Variants in TANGO6 observed in about 807,000 individuals in gnomAD.
TANGO6 encodes the protein transport and Golgi organization protein 6 homolog.
TANGO6 carries 90 observed loss-of-function variants against 114.2 expected under a neutral mutation model. The ratio of observed to expected loss-of-function variants is 0.79; its 90% CI spans 0.66 to 0.94. The LOEUF is 0.94. TANGO6 is among the 40% of genes least tolerant of loss of function. TANGO6 has a pLI of 0.00. For missense variants in TANGO6, 1,274 were observed against 1,315.3 expected, an observed-to-expected ratio of 0.97 and a Z score of 0.49; for synonymous variants, 477 against 509.8, an observed-to-expected ratio of 0.94 and a Z score of 0.87.
intron 16 of TANGO6, among the ~76,000 whole-genome samples, chr16:69,028,865 A>G (rs1171513537): frequency 2.0e-5 from 3 of 151,130 alleles, no homozygotes; most frequent in East Asian, 3.9e-4. Flanking sequence ...ACAAAAAAAA[A>G]AAAAAAAAAG....
intron 8 of TANGO6, among the ~76,000 whole-genome samples, chr16:68,901,786 C>T (rs534093023): frequency 6.6e-6 from 1 of 152,260 alleles, no homozygotes; most frequent in African/African-American, 2.4e-5. Context: ...CCGCACCTGG[C>T]CTCTTGTTTT....
chr16:68,953,788 G>C (rs1201461967), intron 14 of TANGO6, among the ~76,000 whole-genome samples: 4 of 152,170 alleles, frequency 2.6e-5, no homozygotes, highest in Non-Finnish European at 2.9e-5. Context: ...TATATGAATA[G>C]GAGGAGAAGG....
At chr16:69,074,421 A>C (rs958904780) in intron 17 of TANGO6, among the ~76,000 whole-genome samples, 1 of 152,074 alleles carries the variant, frequency 6.6e-6, no homozygotes, top group Non-Finnish European at 1.5e-5. Flanking sequence ...TAGTGAAAGA[A>C]CAGCTGCTCC....
chr16:68,965,713 A>T (rs759090679), intron 14 of TANGO6, among the ~76,000 whole-genome samples: 1 of 151,830 alleles, frequency 6.6e-6, no homozygotes, highest in Non-Finnish European at 1.5e-5. Context: ...AGGCAGGAAG[A>T]TTGCTTGAAT....
At chr16:69,083,320 C>T (rs1227681761) in intron 17 of TANGO6, among the ~76,000 whole-genome samples, 165 bp from the exon 18 acceptor site, 2 of 152,054 alleles carry the variant, frequency 1.3e-5, no homozygotes, top group Non-Finnish European at 2.9e-5. Context: ...CTTGGCCTCC[C>T]AAAGTGCGGA....
At chr16:69,027,297 G>A (rs1307033713) in intron 16 of TANGO6, among the ~76,000 whole-genome samples, 1 of 152,146 alleles carries the variant, frequency 6.6e-6, no homozygotes, top group Non-Finnish European at 1.5e-5. Context: ...GCTTTATTTG[G>A]TTATAAGGGC....
intron 12 of TANGO6, among the ~76,000 whole-genome samples, chr16:68,924,811 A>T (rs78279333): frequency 5.3e-5 from 8 of 151,552 alleles, no homozygotes; most frequent in Admixed American, 1.3e-4. Flanking sequence ...AAACAGAAAC[A>T]AACTCCTCAC....
intron 1 of TANGO6, among the ~76,000 whole-genome samples, chr16:68,844,020 G>T (rs1364379264): frequency 2.0e-5 from 3 of 152,164 alleles, no homozygotes; most frequent in Non-Finnish European, 2.9e-5. Flanking sequence ...CTCTTGGGAG[G>T]GGGATATGGA....
intron 17 of TANGO6, among the ~76,000 whole-genome samples, chr16:69,073,614 C>T (rs1048286834): frequency 6.6e-6 from 1 of 152,128 alleles, no homozygotes; most frequent in Admixed American, 6.6e-5. Context: ...CATTTTCATG[C>T]GGCCAGCCTC....
chr16:68,998,697 C>T (rs1017671376), intron 15 of TANGO6, among the ~76,000 whole-genome samples: 2 of 148,668 alleles, frequency 1.3e-5, no homozygotes, highest in African/African-American at 5.0e-5. Flanking sequence ...CGCCACTGCG[C>T]TCCAGCCTGG....
intron 15 of TANGO6, among the ~76,000 whole-genome samples, chr16:69,012,284 C>T (rs369354885): frequency 3.3e-5 from 5 of 152,132 alleles, no homozygotes; most frequent in East Asian, 1.9e-4. Context: ...AGGTTGGGCA[C>T]GGTGGCTCAC....
At chr16:69,077,985 A>G (rs1960405782) in intron 17 of TANGO6, among the ~76,000 whole-genome samples, 1 of 152,152 alleles carries the variant, frequency 6.6e-6, no homozygotes, top group South Asian at 2.1e-4. Flanking sequence ...ACAAATATTT[A>G]CATTACAGTC....
intron 14 of TANGO6, among the ~76,000 whole-genome samples, chr16:68,960,307 T>C (rs1230595656): frequency 6.6e-6 from 1 of 150,642 alleles, no homozygotes; most frequent in Admixed American, 6.6e-5. Context: ...CTTTTTTTTT[T>C]TTTTTTTCTG....
rs201352425 is a variant in TANGO6, at chr16:69,032,632, C to A, written c.2995-7676C>A. Reference sequence around the variant, plus strand: ...GGTGGCTCACACCTGTAATCCCAGCCCTTTGGGAGGCCAAGGTGGGTGGAT... The same window carrying A: ...GGTGGCTCACACCTGTAATCCCAGCACTTTGGGAGGCCAAGGTGGGTGGAT... On this transcript the variant is annotated intron_variant, in intron 16 of 17. Coordinates refer to ENST00000261778, the MANE Select transcript of TANGO6 (RefSeq NM_024562.2). Among the ~76,000 whole-genome samples, 476 of 151,808 alleles carry A rather than the reference C, an allele frequency of 3.1e-3. 7 individuals carry two copies. In the East Asian group the frequency reaches 0.035, roughly 11 times the overall value.
At chr16:68,882,736 A>G (rs1240929290) in intron 7 of TANGO6, among the ~76,000 whole-genome samples, 4 of 151,488 alleles carry the variant, frequency 2.6e-5, no homozygotes, top group African/African-American at 9.7e-5. Context: ...AAAAAAAAAA[A>G]TACTTGGCAC....
At chr16:69,053,196 C>G (rs540332950) in intron 17 of TANGO6, among the ~76,000 whole-genome samples, 1 of 152,178 alleles carries the variant, frequency 6.6e-6, no homozygotes, top group African/African-American at 2.4e-5. Flanking sequence ...TGTATAGGTT[C>G]TAAAAGCTCA....
chr16:68,943,973 G>A (rs1963386635), intron 14 of TANGO6, among the ~76,000 whole-genome samples: 1 of 152,194 alleles, frequency 6.6e-6, no homozygotes, highest in Admixed American at 6.5e-5. Context: ...AAGCTCCAAA[G>A]AGGAGAGTCT....
At chr16:68,858,348 G>A (rs1962033812) in intron 1 of TANGO6, among the ~76,000 whole-genome samples, 1 of 152,186 alleles carries the variant, frequency 6.6e-6, no homozygotes, top group African/African-American at 2.4e-5. Context: ...ATAGGCGTGA[G>A]CCACCGCGCC....
chr16:68,853,227 G>A (rs1291245661), intron 1 of TANGO6, among the ~76,000 whole-genome samples: 1 of 150,274 alleles, frequency 6.7e-6, no homozygotes. Context: ...GCAGTGATCT[G>A]AGATCACACC....
Sources: allele counts gnomAD v4.1 joint callset (sites outside exome capture counted in the v4.1 genomes callset), GRCh38; gene constraint gnomAD v4.1.1; transcripts MANE v1.5; gene names NCBI Gene and HGNC (gene_info 2026-07-23, HGNC 2026-07-21).